The following MTIF3 variants were observed in gnomAD, a reference collection of about 807,000 sequenced individuals.
MTIF3 encodes the protein translation initiation factor IF-3, mitochondrial.
Under a neutral mutation model 20.7 loss-of-function variants are expected in MTIF3, and 13 were observed. The ratio of observed to expected loss-of-function variants is 0.63; its 90% CI spans 0.41 to 1.00. The LOEUF (loss-of-function observed/expected upper bound fraction) is 1.00, where lower values mean the gene tolerates loss of function less well. Ranked by LOEUF, MTIF3 falls within the 50% of genes least tolerant of loss-of-function variation. The pLI is 0.00. For synonymous variants in MTIF3, 114 were observed against 112.5 expected (o/e 1.01, Z -0.08); for missense variants, 295 against 324.5 (o/e 0.91, Z 0.70).
chr13:27,437,075 G>T, intron 4 of MTIF3, 41 bp downstream of exon 4: 1 of 1,593,002 alleles, frequency 6.3e-7, no homozygotes, highest in South Asian at 1.1e-5. Flanking sequence ...TAGATCAGAA[G>T]ACCCAAAGCA....
Position 27,439,971 on chromosome 13 carries a change from C to T in MTIF3, c.460+18G>A. On this transcript the variant is annotated intron_variant, in intron 3 of 4. Transcript: ENST00000381120. ...GTAGCTCTTAAAGGATTCAGGGAGCCAACAGCAAAATACCTACCAGTTTTG... is the reference window on the plus strand; with the variant it reads ...GTAGCTCTTAAAGGATTCAGGGAGCTAACAGCAAAATACCTACCAGTTTTG... The T allele has an allele frequency of 1.2e-6, 2 of 1,606,140 alleles. No homozygotes were observed.
intron 1 of MTIF3, among the ~76,000 whole-genome samples, chr13:27,445,632 C>T (rs955320624): frequency 2.0e-5 from 3 of 152,192 alleles, no homozygotes; most frequent in African/African-American, 7.2e-5. Context: ...TGTCTGTCAT[C>T]CTAAGCCAAC....
chr13:27,445,954 A>T (rs1374570690), intron 1 of MTIF3, among the ~76,000 whole-genome samples: 1 of 152,236 alleles, frequency 6.6e-6, no homozygotes, highest in African/African-American at 2.4e-5. Flanking sequence ...TGAAAAAAAA[A>T]ATCAAGGAGA....
Position 27,437,862 on chromosome 13 carries a change from AAAAC to A in MTIF3, c.461-593_461-590del, listed in dbSNP as rs560860176. The stretch of plus-strand genomic sequence containing the variant: ...TTCTACAGGTGAAAAATACAACTTT[AAAAC>A]AAACAGAAGAAAAGACAGAATGGTT... On this transcript the variant is annotated intron_variant, in intron 3 of 4. Coordinates refer to ENST00000381120, the MANE Select transcript of MTIF3 (RefSeq NM_152912.5). Among the ~76,000 whole-genome samples, 557 of 152,330 alleles carry A rather than the reference AAAAC, an allele frequency of 3.7e-3. 5 individuals carry two copies. Among genetic ancestry groups the A allele is most frequent in the African/African-American group, 0.013 (524 of 41,564 alleles).
Position 27,440,033 on chromosome 13 carries a change from T to A in MTIF3, c.416A>T (p.Glu139Val), listed in dbSNP as rs1953941081. 1.9e-6 allele frequency: 3 copies of A among 1,614,190 alleles called. No homozygotes were observed. Among genetic ancestry groups the A allele is most frequent in the Non-Finnish European group, 2.5e-6 (3 of 1,180,018 alleles). Residue 139 changes from glutamate (E) to valine (V), a missense_variant, in exon 3 of 5, where the codon GAG (glutamate) becomes GTG (valine). Transcript: ENST00000381120. Reference protein sequence around the residue: ...QLMTGLQILQERQRLREMEKA... With the variant: ...QLMTGLQILQVRQRLREMEKA... ...CTCCATCTCCCTCAGCCTCTGCCGCTCCTGGAGGATCTGCAATCCTGTCAT... is the reference window on the plus strand; with the variant it reads ...CTCCATCTCCCTCAGCCTCTGCCGCACCTGGAGGATCTGCAATCCTGTCAT...
At chr13:27,436,548 G>A (rs1369819507) in intron 4 of MTIF3, among the ~76,000 whole-genome samples, 1 of 152,070 alleles carries the variant, frequency 6.6e-6, no homozygotes, top group Non-Finnish European at 1.5e-5. Flanking sequence ...TAATTTTCCT[G>A]TTTAAGGGTT....
At chr13:27,436,977 T>G (rs561677943) in intron 4 of MTIF3, 139 bp downstream of exon 4, 1 of 756,906 alleles carries the variant, frequency 1.3e-6, no homozygotes, top group Non-Finnish European at 2.1e-6. Context: ...GGTCTCAATC[T>G]CCTGATCTCG....
chr13:27,450,131 G>T (rs1954314977), intron 1 of MTIF3: 1 of 152,286 alleles, frequency 6.6e-6, no homozygotes, highest in Admixed American at 6.5e-5. Flanking sequence ...TAAGTCGGCG[G>T]CGACGCCCAC....
At chr13:27,444,029 T>A (rs754300584) in intron 2 of MTIF3, among the ~76,000 whole-genome samples, 1 of 152,018 alleles carries the variant, frequency 6.6e-6, no homozygotes, top group Non-Finnish European at 1.5e-5. Flanking sequence ...TAGGGCCGGG[T>A]GCAGTGGCTC....
intron 2 of MTIF3, 54 bp from the exon 3 acceptor site, chr13:27,440,503 C>A: frequency 7.1e-7 from 1 of 1,405,946 alleles, no homozygotes; most frequent in South Asian, 1.3e-5. Flanking sequence ...TTCCCTTGGT[C>A]TGACATTGTG....
intron 1 of MTIF3, 98 bp downstream of exon 1, chr13:27,450,411 G>C (rs546386118): frequency 3.9e-5 from 6 of 152,282 alleles, no homozygotes; most frequent in African/African-American, 1.4e-4. Context: ...GGGTAGCCCT[G>C]ACCTTCCGGG....
intron 1 of MTIF3, among the ~76,000 whole-genome samples, chr13:27,445,875 C>T (rs1215569824): frequency 6.6e-6 from 1 of 151,454 alleles, no homozygotes; most frequent in Non-Finnish European, 1.5e-5. Context: ...TGGAACAAGA[C>T]ACCTGGTTAG....
chr13:27,443,751 AAAC>A (rs1357535810), intron 2 of MTIF3, among the ~76,000 whole-genome samples: 3 of 152,276 alleles, frequency 2.0e-5, no homozygotes, highest in South Asian at 4.1e-4. Flanking sequence ...GATTTTTTTC[AAAC>A]AAGCAAACAA....
intron 1 of MTIF3, among the ~76,000 whole-genome samples, chr13:27,447,357 C>T (rs1954214865): frequency 6.6e-6 from 1 of 151,952 alleles, no homozygotes; most frequent in South Asian, 2.1e-4. Flanking sequence ...TCTCTGATGC[C>T]TCTGTGAGGT....
chr13:27,437,058 G>A (rs1953798390), intron 4 of MTIF3, 58 bp downstream of exon 4: 14 of 1,570,030 alleles, frequency 8.9e-6, no homozygotes, highest in Non-Finnish European at 4.3e-6. Context: ...GCCTACAATT[G>A]TATTTTTAGA....
At chr13:27,438,481 C>CGGTT (rs1422816462) in intron 3 of MTIF3, among the ~76,000 whole-genome samples, 1 of 52,066 alleles carries the variant, frequency 1.9e-5, no homozygotes, top group Non-Finnish European at 4.2e-5. Context: ...CAGAGCAAGA[C>CGGTT]TGTTTTTTTT....
Position 27,438,493 on chromosome 13 carries a change from T to G in MTIF3, c.461-1220A>C, listed in dbSNP as rs982358729. Among the ~76,000 whole-genome samples the G allele has an allele frequency of 2.8e-4, 38 of 133,586 alleles. 1 individual carries two copies. Among genetic ancestry groups the G allele is most frequent in the African/African-American group, 9.4e-4 (34 of 36,208 alleles). The allele number at this position is 133,586 out of a possible 152,430, so 87.6% of individuals were successfully genotyped here. A position where few individuals can be genotyped will look rare whatever the true frequency, so the allele number is the denominator to read the frequency against. ...CAACAGAGCAAGACTGTTTTTTTTT[T>G]TTTTTTTTTTTTTTTTAAACACAGG... On this transcript the variant is annotated intron_variant, in intron 3 of 4. Transcript: ENST00000381120.
intron 2 of MTIF3, among the ~76,000 whole-genome samples, chr13:27,442,501 C>T (rs1954040157): frequency 6.6e-6 from 1 of 152,170 alleles, no homozygotes; most frequent in Admixed American, 6.5e-5. Context: ...CCTCCTCTGC[C>T]CACACCCTCC....
At chr13:27,439,367 G>C (rs551501225) in intron 3 of MTIF3, among the ~76,000 whole-genome samples, 1 of 152,226 alleles carries the variant, frequency 6.6e-6, no homozygotes, top group African/African-American at 2.4e-5. Flanking sequence ...GTGGTGGCGG[G>C]CGCCTGTAAT....
Sources: allele counts gnomAD v4.1 joint callset (sites outside exome capture counted in the v4.1 genomes callset), GRCh38; gene constraint gnomAD v4.1.1; transcripts MANE v1.5; gene names NCBI Gene and HGNC (gene_info 2026-07-23, HGNC 2026-07-21).